Variants in TFDP2 observed in about 807,000 individuals in gnomAD.
TFDP2 encodes the protein transcription factor Dp-2.
A neutral mutation model predicts 59.3 loss-of-function variants in TFDP2; 17 were observed. The ratio of observed to expected loss-of-function variants is 0.29; its 90% CI spans 0.20 to 0.43. TFDP2 has a LOEUF of 0.43. Ranked by LOEUF, TFDP2 falls within the 20% of genes least tolerant of loss-of-function variation. The probability of loss-of-function intolerance (pLI) is 1.00; values close to 1 mark genes in which losing one functional copy is unlikely to be tolerated. For missense variants in TFDP2, 391 were observed against 528.8 expected (o/e 0.74, Z 2.56); for synonymous variants, 180 against 194.7 (o/e 0.92, Z 0.63).
chr3:142,127,180 T>C (rs555176504), intron 1 of TFDP2, among the ~76,000 whole-genome samples: 19 of 148,382 alleles, frequency 1.3e-4, no homozygotes, highest in South Asian at 1.0e-3. Context: ...TTATATAACT[T>C]ATCTATAAGA....
At chr3:141,981,773 C>T (rs1941511092) in intron 6 of TFDP2, among the ~76,000 whole-genome samples, 1 of 152,084 alleles carries the variant, frequency 6.6e-6, no homozygotes, top group Non-Finnish European at 1.5e-5. Context: ...AGCAGAGACA[C>T]AAAGACCAAC....
At chr3:142,028,933 G>A (rs11569169) in intron 3 of TFDP2, 2,699 of 155,954 alleles carry the variant, frequency 0.017, 80 homozygotes, top group African/African-American at 0.059. Flanking sequence ...CCAAAAGGCC[G>A]AGAAGCAATA....
At chr3:141,980,108 T>G (rs978810076) in intron 6 of TFDP2, among the ~76,000 whole-genome samples, 3 of 151,700 alleles carry the variant, frequency 2.0e-5, no homozygotes, top group African/African-American at 7.3e-5. Flanking sequence ...TCTCATTATG[T>G]TGCCCAGGCT....
At chr3:141,995,883 C>CAA (rs146557075) in intron 4 of TFDP2, among the ~76,000 whole-genome samples, 532 of 66,036 alleles carry the variant, frequency 8.1e-3, no homozygotes, top group East Asian at 0.019. Context: ...AACTCCATTT[C>CAA]AAAAAAAAAA....
chr3:142,091,368 C>T (rs2060991949), intron 3 of TFDP2, among the ~76,000 whole-genome samples: 1 of 151,958 alleles, frequency 6.6e-6, no homozygotes, highest in Non-Finnish European at 1.5e-5. Flanking sequence ...TTAAACCTGG[C>T]CAACAAGGTG....
At chr3:142,101,480 CCTT>C (rs1229260016) in intron 2 of TFDP2, among the ~76,000 whole-genome samples, 1 of 152,242 alleles carries the variant, frequency 6.6e-6, no homozygotes, top group East Asian at 1.9e-4. Flanking sequence ...GGGTGGGAAA[CCTT>C]CTGGAGATAG....
chr3:142,023,893 T>C (rs1322581860), intron 3 of TFDP2, among the ~76,000 whole-genome samples: 1 of 152,156 alleles, frequency 6.6e-6, no homozygotes, highest in Non-Finnish European at 1.5e-5. Context: ...AGCCCTGACC[T>C]GGGCTCAAGG....
chr3:142,141,125 C>T (rs1265328584), intron 1 of TFDP2, among the ~76,000 whole-genome samples: 2 of 152,224 alleles, frequency 1.3e-5, no homozygotes, highest in Admixed American at 6.5e-5. Flanking sequence ...CCATCTCAGA[C>T]TACTTCGCTA....
intron 3 of TFDP2, among the ~76,000 whole-genome samples, chr3:142,066,052 C>T (rs992187041): frequency 6.6e-6 from 1 of 152,110 alleles, no homozygotes; most frequent in Non-Finnish European, 1.5e-5. Context: ...TTCCAACTCC[C>T]TTTAAACTTT....
rs1935310419 is a variant in TFDP2, at chr3:141,946,898, CAT to C, written c.*5613_*5614del. On this transcript the variant is annotated 3_prime_UTR_variant, in exon 13 of 13. Coordinates refer to ENST00000489671, the MANE Select transcript of TFDP2 (RefSeq NM_001178139.2). ...CAAAAATTAGCCAGGCGTGGTGGCA[CAT>C]GTCTGTAATCCCAACTACTTGGGAG... The C allele has an allele frequency of 6.6e-6, 1 of 152,182 alleles. No individual in the cohort carries two copies. Among genetic ancestry groups the C allele is most frequent in the South Asian group, 2.1e-4 (1 of 4,828 alleles). 9.4% of individuals were successfully genotyped at this position (152,182 alleles called of 1,614,324 possible).
intron 1 of TFDP2, among the ~76,000 whole-genome samples, chr3:142,135,037 C>T (rs1560181135): frequency 6.6e-6 from 1 of 152,104 alleles, no homozygotes; most frequent in East Asian, 1.9e-4. Context: ...TTTTTCCAGA[C>T]ATGGTACTCC....
chr3:141,968,964 T>C (rs1938984762), intron 9 of TFDP2, among the ~76,000 whole-genome samples: 2 of 105,992 alleles, frequency 1.9e-5, no homozygotes, highest in African/African-American at 7.3e-5. Flanking sequence ...ATAACACATA[T>C]ATATCTCATA....
intron 3 of TFDP2, among the ~76,000 whole-genome samples, chr3:142,008,431 C>G (rs2108281279): frequency 6.6e-6 from 1 of 152,168 alleles, no homozygotes; most frequent in East Asian, 1.9e-4. Flanking sequence ...AGATCCCACC[C>G]CTGCCTCCTT....
chr3:142,056,552 T>C (rs1287984199), intron 3 of TFDP2, among the ~76,000 whole-genome samples: 1 of 152,210 alleles, frequency 6.6e-6, no homozygotes, highest in Admixed American at 6.5e-5. Flanking sequence ...TAGAAGTATG[T>C]TCCAAATATT....
intron 11 of TFDP2, among the ~76,000 whole-genome samples, chr3:141,957,033 T>A (rs145774108): frequency 0.015 from 2,274 of 147,310 alleles, 47 homozygotes; most frequent in Non-Finnish European, 0.016. Flanking sequence ...TAGAAAAGGA[T>A]ATGGAGGGCA....
chr3:142,125,706 T>A (rs1367429638), intron 1 of TFDP2, among the ~76,000 whole-genome samples: 1 of 152,200 alleles, frequency 6.6e-6, no homozygotes, highest in East Asian at 1.9e-4. Context: ...TAAAGAAGTA[T>A]GTGTAGTACA....
chr3:142,063,956 GT>G (rs1224748480), intron 3 of TFDP2, among the ~76,000 whole-genome samples: 1 of 151,870 alleles, frequency 6.6e-6, no homozygotes, highest in Non-Finnish European at 1.5e-5. Context: ...TTGGTTTTTA[GT>G]TTTTTTCTTG....
chr3:142,138,407 C>T (rs1175014898), intron 1 of TFDP2, among the ~76,000 whole-genome samples: 73 of 152,000 alleles, frequency 4.8e-4, no homozygotes, highest in South Asian at 4.4e-3. Flanking sequence ...TCTTGCCTTC[C>T]GCTAGCTTTT....
At chr3:142,075,906 CAAAA>C (rs60581045) in intron 3 of TFDP2, among the ~76,000 whole-genome samples, 6 of 80,710 alleles carry the variant, frequency 7.4e-5, no homozygotes, top group Admixed American at 4.3e-4. Context: ...GAACCTGCCT[CAAAA>C]AAAAAAAAAA....
Sources: allele counts gnomAD v4.1 joint callset (sites outside exome capture counted in the v4.1 genomes callset), GRCh38; gene constraint gnomAD v4.1.1; transcripts MANE v1.5; gene names NCBI Gene and HGNC (gene_info 2026-07-23, HGNC 2026-07-21).